The following UBTF variants were observed in gnomAD, a reference collection of about 807,000 sequenced individuals.
The protein encoded by UBTF is upstream binding transcription factor.
UBTF carries 8 observed loss-of-function variants against 112.3 expected under a neutral mutation model. That is an observed-to-expected ratio of 0.07 (90% CI 0.04 to 0.13). The LOEUF (loss-of-function observed/expected upper bound fraction) is 0.13. Among genes scored for constraint, UBTF ranks in the 10% least tolerant of loss-of-function variants. UBTF has a pLI of 1.00. For missense variants in UBTF, 457 were observed against 982.1 expected (o/e 0.47, Z 7.15); for synonymous variants, 417 against 373.1 (o/e 1.12, Z -1.36).
In UBTF at chr17:44,212,820, T is replaced by A; in HGVS notation, c.659A>T (p.Asp220Val). 3 of 1,613,978 alleles carry A rather than the reference T, an allele frequency of 1.9e-6. No individual in the cohort carries two copies. The highest frequency in any genetic ancestry group is 2.5e-6 in the Non-Finnish European group (3 of 1,179,902). The change falls in exon 7 of 21, where the codon GAT (aspartate) becomes GTT (valine). Residue 220 changes from aspartate to valine, a missense_variant and splice_region_variant. Coordinates refer to ENST00000436088, the MANE Select transcript of UBTF (RefSeq NM_014233.4). ...EKKVYLKVRP[D>V]ATTKEVKDSL... ...CCCAACCCTTGGCCGGACACTCACATCTGGCCGCACTTTGAGATACACCTT... is the reference window on the plus strand; with the variant it reads ...CCCAACCCTTGGCCGGACACTCACAACTGGCCGCACTTTGAGATACACCTT...
intron 5 of UBTF, 135 bp from the exon 6 acceptor site, chr17:44,213,417 G>T: frequency 1.0e-6 from 1 of 963,030 alleles, no homozygotes; most frequent in Non-Finnish European, 1.5e-6. Context: ...CTGGCGCCCT[G>T]CCCGCCTCCT....
rs1431020471 is a variant in UBTF at position 44,207,472 on chromosome 17, C to T, written c.2151G>A (p.Glu717=). ...GDSSESSSED[E]SEDGDENEED... is the part of the protein sequence containing the mutation. ...GCCCCACCTCATCCCCATCCTCGCT[C>T]TCGTCCTCGCTGCTGGACTCAGAGG... The change falls in exon 20 of 21, where the codon GAG becomes GAA. Residue 717 remains glutamate (E), a synonymous_variant. Transcript: ENST00000436088. 1.2e-6 allele frequency: 2 copies of T among 1,614,066 alleles called. No homozygotes were observed. The highest frequency in any genetic ancestry group is 3.3e-5 in the Admixed American group (2 of 60,012).
chr17:44,207,602 G>C lies in UBTF; in HGVS notation c.2026-5C>G, dbSNP rs1179552066. ...TTCATCATCCTCCTCGGACTCCTTGGAGGGATGGAGGCACATCAGTGGTCT... is the reference window on the plus strand; with the variant it reads ...TTCATCATCCTCCTCGGACTCCTTGCAGGGATGGAGGCACATCAGTGGTCT... On this transcript the variant is annotated splice_region_variant and splice_polypyrimidine_tract_variant and intron_variant, in intron 19 of 20. Transcript: ENST00000436088. 1 of 1,614,130 alleles carries C rather than the reference G, an allele frequency of 6.2e-7. No individual in the cohort carries two copies. The highest frequency in any genetic ancestry group is 8.5e-7 in the Non-Finnish European group (1 of 1,180,006).
At position 44,211,370 on chromosome 17, in the gene UBTF, G is replaced by A; in HGVS notation, c.1048-39C>T. ...TGGAGTCAGGATCAGTCTGGAGACA[G>A]TGTCACCACAGACCCTGCAGTACTC... On this transcript the variant is annotated intron_variant, in intron 10 of 20. Transcript: ENST00000436088. The surrounding 1 kb of genome is among the most constrained non-coding windows in gnomAD (Gnocchi z 4.9). The A allele has an allele frequency of 6.2e-7, 1 of 1,611,938 alleles. No individual in the cohort carries two copies. The highest frequency in any genetic ancestry group is 8.5e-7 in the Non-Finnish European group (1 of 1,178,672).
In UBTF at chr17:44,211,296, G is replaced by A. The variant is rs1249530498; in HGVS notation, c.1083C>T (p.Phe361=). ...CCACCGGAGGAACACTCACCTCGAG[G>A]AAACGGAGCAGCTCCACCTCGTAAT... is the stretch of plus-strand genomic sequence containing the variant. ...KKDYEVELLR[F]LESLPEEEQQ... The change falls in exon 11 of 21, where the codon TTC becomes TTT. Residue 361 remains phenylalanine (F), a synonymous_variant. Transcript: ENST00000436088. This position sits in a 1 kb window ranked among gnomAD's most constrained non-coding sequence, Gnocchi z 4.9. 6.8e-6 allele frequency: 11 copies of A among 1,614,242 alleles called. No individual in the cohort carries two copies. The highest frequency in any genetic ancestry group is 6.7e-5 in the East Asian group (3 of 44,884).
At chr17:44,213,332 C>T (rs754895830) in intron 5 of UBTF, 50 bp from the exon 6 acceptor site, 4 of 1,587,870 alleles carry the variant, frequency 2.5e-6, no homozygotes, top group South Asian at 2.3e-5. Context: ...GTATCTCACC[C>T]TGAGCTATGA....
chr17:44,220,717 C>T (rs1403436341), upstream of UBTF: 3 of 152,158 alleles, frequency 2.0e-5, no homozygotes, highest in Non-Finnish European at 4.4e-5. Flanking sequence ...CCCCCGAAAT[C>T]CGCGGCTCCC....
In UBTF at chr17:44,206,241, G is replaced by A. The variant is rs1353773051; in HGVS notation, c.*1001C>T. 2.0e-5 allele frequency: 3 copies of A among 152,002 alleles called. No individual in the cohort carries two copies. Among genetic ancestry groups the A allele is most frequent in the Non-Finnish European group, 4.4e-5 (3 of 67,998 alleles). The allele number at this position is 152,002 out of a possible 1,614,324, so 9.4% of individuals were successfully genotyped here. On this transcript the variant is annotated 3_prime_UTR_variant, in exon 21 of 21. Coordinates refer to ENST00000436088, the MANE Select transcript of UBTF (RefSeq NM_014233.4). ...AGGGAGCCTGGTCTGGGAAGCATCCGAGAATGGCTTCAGCACACTCCCCCT... is the reference window on the plus strand; with the variant it reads ...AGGGAGCCTGGTCTGGGAAGCATCCAAGAATGGCTTCAGCACACTCCCCCT...
rs1598248114 is a variant in UBTF, at chr17:44,213,152, G to A, written c.539+66C>T. On this transcript the variant is annotated intron_variant, in intron 6 of 20. Coordinates refer to ENST00000436088, the MANE Select transcript of UBTF (RefSeq NM_014233.4). ...CAGAGATGGCAAACTCAAGGCTCTG[G>A]CCAGGGTTAGCCTATTCTGCTGCCC... 23 of 1,576,994 alleles carry A rather than the reference G, an allele frequency of 1.5e-5. No homozygotes were observed. The Admixed American group carries it at 1.9e-4, about 13-fold the overall frequency.
Position 44,211,427 on chromosome 17 carries a change from G to T in UBTF, c.1048-96C>A. The T allele has an allele frequency of 6.3e-7, 1 of 1,581,044 alleles. No individual in the cohort carries two copies. Among genetic ancestry groups the T allele is most frequent in the East Asian group, 2.2e-5 (1 of 44,672 alleles). Reference sequence around the variant, plus strand: ...CAGTGACCTTCAGCGGGCCTCCAGAGCCTGGGTGTGGGCTGGACTCCCTGC... The same window carrying T: ...CAGTGACCTTCAGCGGGCCTCCAGATCCTGGGTGTGGGCTGGACTCCCTGC... On this transcript the variant is annotated intron_variant, in intron 10 of 20. Coordinates refer to ENST00000436088, the MANE Select transcript of UBTF (RefSeq NM_014233.4). The surrounding 1 kb of genome is among the most constrained non-coding windows in gnomAD (Gnocchi z 4.9).
rs1315367584 is a variant in UBTF at position 44,219,613 on chromosome 17, T to G, written c.-236A>C. ...GCTGGGGCGGCGGCTGCTGCTGCTGTGGCGGCGGCGGCGGCGGCGGCGGCT... is the reference window on the plus strand; with the variant it reads ...GCTGGGGCGGCGGCTGCTGCTGCTGGGGCGGCGGCGGCGGCGGCGGCGGCT... On this transcript the variant is annotated 5_prime_UTR_variant, in exon 1 of 21. Coordinates refer to ENST00000436088, the MANE Select transcript of UBTF (RefSeq NM_014233.4). 1.3e-5 allele frequency: 2 copies of G among 159,990 alleles called. No individual in the cohort carries two copies. The highest frequency in any genetic ancestry group is 4.9e-5 in the African/African-American group (2 of 41,078). 9.9% of individuals were successfully genotyped at this position (159,990 alleles called of 1,614,324 possible).
At chr17:44,215,334 G>A (rs1442775754) in intron 5 of UBTF, 3 of 313,036 alleles carry the variant, frequency 9.6e-6, no homozygotes, top group South Asian at 4.9e-5. Flanking sequence ...AGAGGGTGAA[G>A]AAGTGCTGCG....
intron 1 of UBTF, chr17:44,218,586 A>G (rs1235567117): frequency 5.0e-5 from 10 of 200,924 alleles, no homozygotes; most frequent in African/African-American, 2.5e-4. Context: ...CCGCTTCCCA[A>G]CCCCAGCCAA....
chr17:44,210,431 C>G lies in UBTF; in HGVS notation c.1402G>C (p.Glu468Gln). ...AREAALKAQS[E>Q]RKPGGEREER... ...TCGCGCTCCCCGCCGGGCTTCCTCT[C>G]CGACTGAGCCTTGAGCGCCGCCTCT... The change falls in exon 14 of 21, where the codon GAG (glutamate) becomes CAG (glutamine). Residue 468 changes from glutamate to glutamine, a missense_variant. Transcript: ENST00000436088. 1 of 1,613,750 alleles carries G rather than the reference C, an allele frequency of 6.2e-7. No homozygotes were observed.
At chr17:44,220,161 G>GGCGC (rs1424835809), upstream of UBTF, among the ~76,000 whole-genome samples, 5 of 151,702 alleles carry the variant, frequency 3.3e-5, no homozygotes, top group African/African-American at 1.2e-4. Flanking sequence ...CGGGCGGGCG[G>GGCGC]GCGCCGAGAG....
At chr17:44,209,258 C>T (rs1457780118) in intron 17 of UBTF, 94 bp downstream of exon 17, 1 of 1,318,128 alleles carries the variant, frequency 7.6e-7, no homozygotes, top group Non-Finnish European at 1.0e-6. Flanking sequence ...TGAATGAGAC[C>T]AGCCAGCACA....
chr17:44,210,928 T>C lies in UBTF; in HGVS notation c.1223A>G (p.Lys408Arg), dbSNP rs990401376. The change falls in exon 13 of 21, where the codon AAG becomes AGG. Residue 408 changes from lysine (K) to arginine (R), a missense_variant. Physicochemically the swap from Lys to Arg is conservative, Grantham distance 26 (BLOSUM62 2). Coordinates refer to ENST00000436088, the MANE Select transcript of UBTF (RefSeq NM_014233.4). ...GATGAACATGGCCGACACGGGCCGC[T>C]TGGGCTTCTCGGAGCCGCCCTGTCC... is the stretch of plus-strand genomic sequence containing the variant. The part of the protein sequence containing the change: ...EGGKGGSEKP[K>R]RPVSAMFIFS... 6.2e-7 allele frequency: 1 copy of C among 1,608,028 alleles called. No individual in the cohort carries two copies. The highest frequency in any genetic ancestry group is 8.5e-7 in the Non-Finnish European group (1 of 1,179,148).
intron 5 of UBTF, among the ~76,000 whole-genome samples, chr17:44,214,887 C>T (rs1204253167): frequency 1.3e-5 from 2 of 152,198 alleles, no homozygotes; most frequent in African/African-American, 4.8e-5. Context: ...CTGTCCCCAT[C>T]CCATCTTCCT....
In UBTF at chr17:44,207,929, G is replaced by A. The variant is rs192524442; in HGVS notation, c.1906-18C>T. 22 of 1,613,552 alleles carry A rather than the reference G, an allele frequency of 1.4e-5. No individual in the cohort carries two copies. The East Asian group carries it at 2.5e-4, about 18-fold the overall frequency. ...GACAGGCTCTGGGGGAGACAGAAGC[G>A]GCAAGGGTTGGAACATAGCCAACTA... On this transcript the variant is annotated intron_variant, in intron 17 of 20. Coordinates refer to ENST00000436088, the MANE Select transcript of UBTF (RefSeq NM_014233.4).
Sources: gnomAD v4.1 joint callset for allele counts (sites outside exome capture counted in the v4.1 genomes callset) on GRCh38, gnomAD v4.1.1 for gene constraint, Gnocchi (gnomAD v3.1) non-coding constraint, MANE v1.5 for transcripts, NCBI Gene and HGNC (gene_info 2026-07-23, HGNC 2026-07-21) for gene names.